Variants in DISC1 observed in about 807,000 individuals in gnomAD.
DISC1 encodes disrupted in schizophrenia 1 protein.
Under a neutral mutation model 84.5 loss-of-function variants are expected in DISC1, and 57 were observed. That is an observed-to-expected ratio of 0.67 (90% CI 0.55 to 0.84). The LOEUF (loss-of-function observed/expected upper bound fraction) is 0.84, where lower values mean the gene tolerates loss of function less well. Among genes scored for constraint, DISC1 ranks in the 40% least tolerant of loss-of-function variants. The pLI is 0.00. For synonymous variants in DISC1, 411 were observed against 415.2 expected, an observed-to-expected ratio of 0.99 and a Z score of 0.12; for missense variants, 1,000 against 1,057.8, an observed-to-expected ratio of 0.95 and a Z score of 0.76.
intron 1 of DISC1, chr1:231,684,613 A>G (rs994149392): frequency 6.6e-6 from 1 of 152,124 alleles, no homozygotes; most frequent in African/African-American, 2.4e-5. Context: ...AGACTGGTTT[A>G]TCATTCTTTT....
chr1:231,670,702 A>G (rs2062533989), intron 1 of DISC1: 1 of 152,224 alleles, frequency 6.6e-6, no homozygotes, highest in South Asian at 2.1e-4. Context: ...GAAGAGGAAC[A>G]ACTCTGAGAC....
chr1:231,794,032 C>A (rs115810286), intron 6 of DISC1, among the ~76,000 whole-genome samples: 11 of 152,178 alleles, frequency 7.2e-5, no homozygotes, highest in Non-Finnish European at 1.3e-4. Context: ...GATCCACCCC[C>A]CAAGGCCTCC....
intron 11 of DISC1, among the ~76,000 whole-genome samples, chr1:232,015,362 TTG>T (rs1212990350): frequency 3.3e-5 from 5 of 152,102 alleles, no homozygotes; most frequent in African/African-American, 7.2e-5. Flanking sequence ...GCCGTTCACC[TTG>T]GAAATTCCTT....
At chr1:231,656,933 C>T (rs772860667) in intron 1 of DISC1, among the ~76,000 whole-genome samples, 38 of 152,280 alleles carry the variant, frequency 2.5e-4, no homozygotes, top group Non-Finnish European at 2.8e-4. Flanking sequence ...CTTCCAACTC[C>T]GACTCCATCC....
chr1:231,725,453 G>A (rs2070512274), intron 3 of DISC1, among the ~76,000 whole-genome samples: 1 of 152,142 alleles, frequency 6.6e-6, no homozygotes, highest in Non-Finnish European at 1.5e-5. Context: ...ACTACCGGAA[G>A]TTACTGCCCC....
At chr1:231,980,741 C>T (rs1209761831) in intron 10 of DISC1, among the ~76,000 whole-genome samples, 1 of 152,106 alleles carries the variant, frequency 6.6e-6, no homozygotes, top group Non-Finnish European at 1.5e-5. Context: ...CTCAAGAGCC[C>T]TGAAGCTTTG....
intron 9 of DISC1, among the ~76,000 whole-genome samples, chr1:231,881,301 C>T (rs989439046): frequency 1.3e-5 from 2 of 152,126 alleles, no homozygotes; most frequent in Admixed American, 6.6e-5. Context: ...GTTGCACTGT[C>T]GTGGAGGTTA....
intron 3 of DISC1, among the ~76,000 whole-genome samples, chr1:231,715,114 G>A (rs1217524886): frequency 6.6e-6 from 1 of 152,152 alleles, no homozygotes; most frequent in Non-Finnish European, 1.5e-5. Flanking sequence ...TGACTCCTTG[G>A]ACCAATGACC....
At chr1:231,921,378 G>C (rs1440579538) in intron 9 of DISC1, among the ~76,000 whole-genome samples, 2 of 152,172 alleles carry the variant, frequency 1.3e-5, no homozygotes, top group Non-Finnish European at 2.9e-5. Context: ...GTGTCAGTCA[G>C]CTTCAATTTG....
intron 9 of DISC1, among the ~76,000 whole-genome samples, chr1:231,927,081 GGTGATA>G (rs2090397548): frequency 6.6e-6 from 1 of 152,170 alleles, no homozygotes; most frequent in Non-Finnish European, 1.5e-5. Context: ...CTTTGGGGAT[GGTGATA>G]GTATAGGGAT....
At chr1:231,934,111 G>GA (rs1308517794) in intron 9 of DISC1, among the ~76,000 whole-genome samples, 1 of 152,208 alleles carries the variant, frequency 6.6e-6, no homozygotes, top group Non-Finnish European at 1.5e-5. Context: ...CAACAATGAA[G>GA]AAAGTGGGAA....
chr1:231,818,272 T>C lies in DISC1; in HGVS notation c.1793-57T>C, dbSNP rs2081229896. Reference sequence around the variant, plus strand: ...ACATTAGCTGCTGCTAGATCTTCCATGTGTGTGGATGCTGTAAAGCTTGTT... The same window carrying C: ...ACATTAGCTGCTGCTAGATCTTCCACGTGTGTGGATGCTGTAAAGCTTGTT... On this transcript the variant is annotated intron_variant, in intron 8 of 12. Transcript: ENST00000439617. The C allele has an allele frequency of 3.3e-6, 5 of 1,535,910 alleles. No individual in the cohort carries two copies. The South Asian group carries it at 4.5e-5, about 14-fold the overall frequency.
At chr1:231,645,847 C>T (rs2060078051) in intron 1 of DISC1, among the ~76,000 whole-genome samples, 1 of 150,914 alleles carries the variant, frequency 6.6e-6, no homozygotes, top group African/African-American at 2.4e-5. Flanking sequence ...TGAACTCATC[C>T]TTTTTTATGG....
chr1:232,026,768 T>C (rs976144837), intron 12 of DISC1, among the ~76,000 whole-genome samples: 9 of 80,764 alleles, frequency 1.1e-4, no homozygotes, highest in East Asian at 6.1e-4. Context: ...TTTTCTTTTT[T>C]TTTTTTTTTT....
intron 3 of DISC1, among the ~76,000 whole-genome samples, chr1:231,744,041 T>G (rs2073667942): frequency 6.6e-6 from 1 of 152,202 alleles, no homozygotes; most frequent in Admixed American, 6.5e-5. Flanking sequence ...AATGACAAGC[T>G]TGTTGAAAAA....
intron 6 of DISC1, among the ~76,000 whole-genome samples, chr1:231,791,035 C>A (rs970521234): frequency 6.6e-6 from 1 of 152,194 alleles, no homozygotes; most frequent in East Asian, 1.9e-4. Flanking sequence ...ACAGCCACCC[C>A]CCAGGCTCAT....
At chr1:231,804,147 G>T (rs2079523903) in intron 8 of DISC1, among the ~76,000 whole-genome samples, 1 of 152,064 alleles carries the variant, frequency 6.6e-6, no homozygotes, top group Non-Finnish European at 1.5e-5. Context: ...TATAACCACT[G>T]CAGTGTTACT....
intron 1 of DISC1, 144 bp from the exon 2 acceptor site, chr1:231,693,682 G>T (rs2065309148): frequency 8.1e-7 from 1 of 1,230,642 alleles, no homozygotes; most frequent in Non-Finnish European, 1.2e-6. Flanking sequence ...TAATGGATTG[G>T]CCCTGGGACC....
chr1:231,770,922 C>T lies in DISC1; in HGVS notation c.1486C>T (p.Gln496Ter). 6.2e-7 allele frequency: 1 copy of T among 1,614,206 alleles called. No individual in the cohort carries two copies. Among genetic ancestry groups the T allele is most frequent in the Non-Finnish European group, 8.5e-7 (1 of 1,180,034 alleles). The change falls in exon 6 of 13, where the codon CAA becomes TAA. Residue 496 changes from glutamine (Q) to a stop codon, truncating the protein, a stop_gained. Transcript: ENST00000439617. LOFTEE classifies it high-confidence loss of function. ...LRREIEEQEQ[Q>*]LQWQGCDLTP... ...AAGGGAAATAGAGGAGCAAGAGCAG[C>T]AACTCCAGTGGCAGGGCTGCGACCT...
Sources: allele counts gnomAD v4.1 joint callset (sites outside exome capture counted in the v4.1 genomes callset), GRCh38; gene constraint gnomAD v4.1.1; transcripts MANE v1.5; gene names NCBI Gene and HGNC (gene_info 2026-07-23, HGNC 2026-07-21).